RBFOX1: variants seen among roughly 807,000 people sequenced by gnomAD.
RBFOX1 encodes RNA binding fox-1 homolog 1, also known as RNA binding protein fox-1 homolog 1.
In RBFOX1, 8 loss-of-function variants were observed where a neutral mutation model predicts 57.7. That is an observed-to-expected ratio of 0.14 (90% confidence interval 0.08 to 0.25). The LOEUF (loss-of-function observed/expected upper bound fraction) is 0.25. RBFOX1 is among the 10% of genes least tolerant of loss of function. The pLI, the probability that RBFOX1 is intolerant of heterozygous loss-of-function variation, is 1.00. For missense variants in RBFOX1, 611 were observed against 548.5 expected, an observed-to-expected ratio of 1.11 and a Z score of -1.14; for synonymous variants, 326 against 222.4, an observed-to-expected ratio of 1.47 and a Z score of -4.15.
rs144777533 is a variant in RBFOX1, at chr16:7,388,570, C to T, written c.28-129577C>T. Among the ~76,000 whole-genome samples, 775 of 151,372 alleles carry T rather than the reference C, an allele frequency of 5.1e-3. 8 individuals carry two copies. The highest frequency in any genetic ancestry group is 0.018 in the African/African-American group (726 of 41,190). ...AAAAGAAAGATAACAACCCTTACCT[C>T]ATATGGTTCTAGGGAGGACAACATG... On this transcript the variant is annotated intron_variant, in intron 4 of 15. Coordinates refer to ENST00000550418, the MANE Select transcript of RBFOX1 (RefSeq NM_018723.4).
chr16:6,608,165 C>T (rs866862576), intron 2 of RBFOX1, among the ~76,000 whole-genome samples: 1 of 152,132 alleles, frequency 6.6e-6, no homozygotes, highest in Non-Finnish European at 1.5e-5. Flanking sequence ...TAACTCTTAC[C>T]AGACCTATTT....
chr16:5,407,489 G>A (rs1160664473), intron 1 of RBFOX1, among the ~76,000 whole-genome samples: 1 of 152,128 alleles, frequency 6.6e-6, no homozygotes, highest in African/African-American at 2.4e-5. Flanking sequence ...GGAGTGTGGA[G>A]TGCCAGGATA....
chr16:7,227,125 G>T (rs1006095208), intron 4 of RBFOX1, among the ~76,000 whole-genome samples: 4 of 152,160 alleles, frequency 2.6e-5, no homozygotes, highest in African/African-American at 7.2e-5. Flanking sequence ...AGATATTTGA[G>T]TTTGAAAATC....
At chr16:6,747,464 C>T (rs1568445368) in intron 3 of RBFOX1, among the ~76,000 whole-genome samples, 1 of 151,484 alleles carries the variant, frequency 6.6e-6, no homozygotes, top group African/African-American at 2.4e-5. Context: ...GTCTGTCTGT[C>T]TGTCTGTCTG....
intron 4 of RBFOX1, among the ~76,000 whole-genome samples, chr16:7,102,679 T>G (rs548191738): frequency 6.6e-6 from 1 of 152,328 alleles, no homozygotes; most frequent in African/African-American, 2.4e-5. Flanking sequence ...TCGCTAATCT[T>G]GCACACCAGC....
chr16:6,785,509 A>T (rs561690453), intron 3 of RBFOX1, among the ~76,000 whole-genome samples: 3 of 152,236 alleles, frequency 2.0e-5, no homozygotes, highest in Admixed American at 2.0e-4. Context: ...TTTCCATCCT[A>T]CCTTCCCCAA....
intron 1 of RBFOX1, among the ~76,000 whole-genome samples, chr16:6,233,412 C>G (rs1364644871): frequency 6.6e-6 from 1 of 152,108 alleles, no homozygotes; most frequent in Non-Finnish European, 1.5e-5. Flanking sequence ...CCCTGCACCC[C>G]ACTCGTCCCC....
intron 4 of RBFOX1, among the ~76,000 whole-genome samples, chr16:7,197,998 CTTTT>C (rs945404947): frequency 1.8e-5 from 1 of 55,598 alleles, no homozygotes; most frequent in Admixed American, 2.7e-4. Flanking sequence ...TTCTTTCTTT[CTTTT>C]TTTTTTTTTT....
intron 4 of RBFOX1, among the ~76,000 whole-genome samples, chr16:7,504,742 TATATATATATATTTA>T (rs2072399218): frequency 1.8e-4 from 2 of 11,120 alleles, no homozygotes; most frequent in Admixed American, 1.2e-3. Context: ...TATATATATA[TATATATATATATTTA>T]TATATATATA....
chr16:6,910,708 C>T (rs1197968997), intron 3 of RBFOX1, among the ~76,000 whole-genome samples: 2 of 152,198 alleles, frequency 1.3e-5, no homozygotes, highest in South Asian at 2.1e-4. Context: ...CAGTGTGACT[C>T]TAAAGCAACA....
At chr16:6,882,767 A>G (rs927088685) in intron 3 of RBFOX1, among the ~76,000 whole-genome samples, 2 of 152,014 alleles carry the variant, frequency 1.3e-5, no homozygotes, top group African/African-American at 4.8e-5. Flanking sequence ...CAAGCCAGAA[A>G]CGCAAGACCA....
intron 1 of RBFOX1, among the ~76,000 whole-genome samples, chr16:5,444,798 G>T (rs1334540177): frequency 1.3e-5 from 2 of 152,170 alleles, no homozygotes; most frequent in Non-Finnish European, 2.9e-5. Context: ...CCCTGTGATG[G>T]ATGTATTAGG....
intron 3 of RBFOX1, among the ~76,000 whole-genome samples, chr16:6,724,208 A>ATTTTT (rs35887818): frequency 7.8e-6 from 1 of 128,058 alleles, no homozygotes. Flanking sequence ...GGCATCTTCC[A>ATTTTT]TTTTTTTTTT....
At chr16:6,143,368 T>C (rs974964307) in intron 1 of RBFOX1, among the ~76,000 whole-genome samples, 4 of 152,250 alleles carry the variant, frequency 2.6e-5, no homozygotes, top group Non-Finnish European at 4.4e-5. Flanking sequence ...TTGACCATTA[T>C]GTTCATAAGT....
intron 3 of RBFOX1, among the ~76,000 whole-genome samples, chr16:5,634,416 T>G (rs1210495497): frequency 6.6e-6 from 1 of 152,216 alleles, no homozygotes; most frequent in African/African-American, 2.4e-5. Flanking sequence ...TAACTGTAAT[T>G]GGACACTTAC....
intron 1 of RBFOX1, among the ~76,000 whole-genome samples, chr16:6,196,269 C>T (rs757825989): frequency 2.6e-5 from 4 of 151,986 alleles, no homozygotes; most frequent in Admixed American, 6.6e-5. Flanking sequence ...CTTTTTTTAC[C>T]CCTGCACCAG....
At chr16:7,589,912 G>GGTGTGTGTGTGTGTGTGT (rs3029164) in intron 7 of RBFOX1, among the ~76,000 whole-genome samples, 1,452 of 135,020 alleles carry the variant, frequency 0.011, 21 homozygotes, top group Middle Eastern at 0.023. Context: ...GTGTGTGCTG[G>GGTGTGTGTGTGTGTGTGT]GTGTGTGTGT....
At chr16:7,238,335 AAAT>A (rs199915949) in intron 4 of RBFOX1, among the ~76,000 whole-genome samples, 8,263 of 91,966 alleles carry the variant, frequency 0.09, 595 homozygotes, top group African/African-American at 0.31. Context: ...GGTAAAAAAA[AAAT>A]AAATAAATAA....
Position 6,813,925 on chromosome 16 carries a change from C to T in RBFOX1, c.-16+159275C>T, listed in dbSNP as rs532798343. Among the ~76,000 whole-genome samples, 4 of 152,254 alleles carry T rather than the reference C, an allele frequency of 2.6e-5. No individual in the cohort carries two copies. In the East Asian group the frequency reaches 7.8e-4, roughly 30 times the overall value. ...TGGTCCAGACTGGTTACATTTCCTTCCTCAAGTTACCCAGCAAACTATTAA... is the reference window on the plus strand; with the variant it reads ...TGGTCCAGACTGGTTACATTTCCTTTCTCAAGTTACCCAGCAAACTATTAA... On this transcript the variant is annotated intron_variant, in intron 3 of 15. Coordinates refer to ENST00000550418, the MANE Select transcript of RBFOX1 (RefSeq NM_018723.4).
Sources: allele counts gnomAD v4.1 joint callset (sites outside exome capture counted in the v4.1 genomes callset), GRCh38; gene constraint gnomAD v4.1.1; transcripts MANE v1.5; gene names NCBI Gene and HGNC (gene_info 2026-07-23, HGNC 2026-07-21).